The following MAP6 variants were observed in gnomAD, a reference collection of about 807,000 sequenced individuals.
MAP6 encodes microtubule-associated protein 6.
In MAP6, 26 loss-of-function variants were observed where a neutral mutation model predicts 42.4. That is an observed-to-expected ratio of 0.61 (90% CI 0.45 to 0.85). MAP6 has a LOEUF of 0.85. Among genes scored for constraint, MAP6 ranks in the 40% least tolerant of loss-of-function variants. The pLI, the probability that MAP6 is intolerant of heterozygous loss-of-function variation, is 0.00. For synonymous variants in MAP6, 418 were observed against 443.8 expected (o/e 0.94, Z 0.73); for missense variants, 966 against 1,099.0 (o/e 0.88, Z 1.71).
rs200302655 is a variant in MAP6 at position 75,606,023 on chromosome 11, C to T, written c.1120-19G>A. On this transcript the variant is annotated intron_variant, in intron 2 of 3. Coordinates refer to ENST00000304771, the MANE Select transcript of MAP6 (RefSeq NM_033063.2). ...TTTCCACCTGTACGGAGAGACAGAC[C>T]GCAAATACAGAAACACAAAAAGGTG... is the stretch of plus-strand genomic sequence containing the variant. 8 of 1,609,706 alleles carry T rather than the reference C, an allele frequency of 5.0e-6. No homozygotes were observed. The highest frequency in any genetic ancestry group is 1.7e-5 in the Admixed American group (1 of 59,736).
intron 2 of MAP6, chr11:75,607,721 G>A (rs1942806016): frequency 1.0e-6 from 1 of 976,820 alleles, no homozygotes; most frequent in African/African-American, 1.8e-5. Context: ...GGTGGGAGGG[G>A]AGCCGGGCAT....
Position 75,659,136 on chromosome 11 carries a change from C to G in MAP6, c.905+8329G>C, listed in dbSNP as rs571147157. The stretch of plus-strand genomic sequence containing the variant: ...ATATTAATATGACATGCAGGAAGTG[C>G]TGAGTGTAGAGAAAGACAAGCGTAG... On this transcript the variant is annotated intron_variant, in intron 1 of 3. Transcript: ENST00000304771. 9.8e-5 allele frequency among the ~76,000 whole-genome samples: 15 copies of G among 152,306 alleles called. No homozygotes were observed. In the East Asian group the frequency reaches 2.5e-3, roughly 25 times the overall value.
intron 3 of MAP6, chr11:75,603,660 T>C (rs766663491): frequency 3.0e-6 from 3 of 985,234 alleles, no homozygotes; most frequent in Non-Finnish European, 3.6e-6. Flanking sequence ...CAACACCAAC[T>C]TGACTTGGTC....
chr11:75,654,273 T>C (rs1348613203), intron 1 of MAP6, among the ~76,000 whole-genome samples: 1 of 152,178 alleles, frequency 6.6e-6, no homozygotes, highest in Admixed American at 6.5e-5. Flanking sequence ...ATTACAAGAA[T>C]GTATTGTACT....
At chr11:75,652,040 T>C (rs1943654333) in intron 1 of MAP6, among the ~76,000 whole-genome samples, 1 of 152,214 alleles carries the variant, frequency 6.6e-6, no homozygotes, top group African/African-American at 2.4e-5. Flanking sequence ...TCAGCAAATA[T>C]TATTACCCAA....
chr11:75,618,727 G>A (rs370267149), intron 1 of MAP6, among the ~76,000 whole-genome samples: 83 of 152,282 alleles, frequency 5.5e-4, no homozygotes, highest in African/African-American at 1.5e-3. Flanking sequence ...AGTCGAGACC[G>A]GCAGACCTCC....
At chr11:75,615,936 A>G (rs1036414166) in intron 1 of MAP6, among the ~76,000 whole-genome samples, 20 of 117,040 alleles carry the variant, frequency 1.7e-4, no homozygotes, top group Non-Finnish European at 5.0e-5. Flanking sequence ...GGAGGGAGGG[A>G]GCCAACAGGA....
Position 75,587,547 on chromosome 11 carries a change from C to A in MAP6, c.1954G>T (p.Ala652Ser). The change falls in exon 4 of 4, where the codon GCC becomes TCC. Residue 652 changes from alanine to serine, a missense_variant. Coordinates refer to ENST00000304771, the MANE Select transcript of MAP6 (RefSeq NM_033063.2). ...MVPEHPKDESAMATAPIKNQG... is the reference protein window; with the variant it reads ...MVPEHPKDESSMATAPIKNQG... ...TTCTTTATGGGTGCTGTGGCCATGG[C>A]ACTTTCATCCTTCGGATGCTCTGGG... is the stretch of plus-strand genomic sequence containing the variant. The A allele has an allele frequency of 6.2e-7, 1 of 1,614,138 alleles. No individual in the cohort carries two copies. Among genetic ancestry groups the A allele is most frequent in the Non-Finnish European group, 8.5e-7 (1 of 1,180,026 alleles).
chr11:75,604,288 G>A lies in MAP6; in HGVS notation c.1316+1520C>T. 5 of 985,864 alleles carry A rather than the reference G, an allele frequency of 5.1e-6. No individual in the cohort carries two copies. In the South Asian group the frequency reaches 1.9e-4, roughly 37 times the overall value. 61.1% of individuals were successfully genotyped at this position (985,864 alleles called of 1,614,324 possible). On this transcript the variant is annotated intron_variant, in intron 3 of 3. Transcript: ENST00000304771. ...GGTGACAACCAAAATGATGTAAGCA[G>A]AGACTTTGCTGCCTGAATGGTCGGA...
At chr11:75,620,242 G>A (rs1943083947) in intron 1 of MAP6, among the ~76,000 whole-genome samples, 1 of 152,180 alleles carries the variant, frequency 6.6e-6, no homozygotes, top group Non-Finnish European at 1.5e-5. Context: ...GGCCGAGGTA[G>A]GTGGATCGCT....
In MAP6 at chr11:75,590,570, C is replaced by T. The variant is rs572132172; in HGVS notation, c.1317-2386G>A. Among the ~76,000 whole-genome samples, 12 of 152,316 alleles carry T rather than the reference C, an allele frequency of 7.9e-5. No homozygotes were observed. The East Asian group carries it at 1.3e-3, about 17-fold the overall frequency. On this transcript the variant is annotated intron_variant, in intron 3 of 3. Coordinates refer to ENST00000304771, the MANE Select transcript of MAP6 (RefSeq NM_033063.2). ...GCCTCAACTTTGCATGGATACATAA[C>T]CCCATATTGCTTAGGTTAGAAAACT...
Position 75,587,866 on chromosome 11 carries a change from T to C in MAP6, c.1635A>G (p.Pro545=), listed in dbSNP as rs1406209432. 6.2e-7 allele frequency: 1 copy of C among 1,614,056 alleles called. No individual in the cohort carries two copies. The highest frequency in any genetic ancestry group is 8.5e-7 in the Non-Finnish European group (1 of 1,180,028). Residue 545 remains proline, a synonymous_variant, in exon 4 of 4, where the codon CCA becomes CCG. Coordinates refer to ENST00000304771, the MANE Select transcript of MAP6 (RefSeq NM_033063.2). ...VPPKNQSPMV[P]AKVKDQGSVV... ...CAGAGCCTTGATCCTTAACTTTTGC[T>C]GGAACCATAGGACTTTGATTCTTTG...
At position 75,608,146 on chromosome 11, in the gene MAP6, C is replaced by T. The variant is rs1942815118; in HGVS notation, c.1082G>A (p.Arg361His). Residue 361 changes from arginine to histidine, a missense_variant, in exon 2 of 4, where the codon CGC (arginine) becomes CAC (histidine). Physicochemically the swap from Arg to His is conservative, Grantham distance 29 (BLOSUM62 0). This residue lies in a region of MAP6 where 943 missense variants were observed against 1,049.9 expected (regional missense o/e 0.90). Coordinates refer to ENST00000304771, the MANE Select transcript of MAP6 (RefSeq NM_033063.2). Reference protein sequence around the residue: ...DNKVIDRRRIRSLYSEPFKEP... With the variant: ...DNKVIDRRRIHSLYSEPFKEP... ...CTTGAAGGGTTCGCTGTAGAGGCTG[C>T]GTATTCTTCTGCGATCAATGACCTT... 3.7e-6 allele frequency: 6 copies of T among 1,614,118 alleles called. No individual in the cohort carries two copies. In the South Asian group the frequency reaches 4.4e-5, roughly 12 times the overall value.
chr11:75,658,400 C>A (rs556569415), intron 1 of MAP6, among the ~76,000 whole-genome samples: 1 of 100,388 alleles, frequency 1.0e-5, no homozygotes, highest in Non-Finnish European at 2.1e-5. Context: ...TTCTCCACCC[C>A]CCCCGCCCCA....
Position 75,640,092 on chromosome 11 carries a change from A to G in MAP6, c.905+27373T>C, listed in dbSNP as rs2135654619. On this transcript the variant is annotated intron_variant, in intron 1 of 3. Transcript: ENST00000304771. ...CTCCACTCCCAGACAGGCGGCTCCT[A>G]GAGCAGATGGTTGTCAGCACTGGGG... Among the ~76,000 whole-genome samples, 3 of 152,230 alleles carry G rather than the reference A, an allele frequency of 2.0e-5. 1 individual carries two copies. In the Middle Eastern group the frequency reaches 0.01, roughly 518 times the overall value.
chr11:75,613,703 T>A lies in MAP6; in HGVS notation c.906-5381A>T, dbSNP rs77408006. On this transcript the variant is annotated intron_variant, in intron 1 of 3. Transcript: ENST00000304771. The stretch of plus-strand genomic sequence containing the variant: ...AGAAAGAGAGTCTGGGGCTATGATA[T>A]CCCCCGGTGGGTGGGTGAACTGCAG... Among the ~76,000 whole-genome samples the A allele has an allele frequency of 7.3e-3, 1,106 of 152,282 alleles. 7 individuals carry two copies. The highest frequency in any genetic ancestry group is 0.024 in the African/African-American group (1,004 of 41,562).
intron 1 of MAP6, among the ~76,000 whole-genome samples, chr11:75,634,394 A>G (rs1565270840): frequency 6.6e-6 from 1 of 152,174 alleles, no homozygotes; most frequent in African/African-American, 2.4e-5. Context: ...CTCCTGCCTC[A>G]GCCTTCTGAG....
intron 1 of MAP6, among the ~76,000 whole-genome samples, chr11:75,630,241 T>G (rs771124778): frequency 2.6e-5 from 4 of 152,168 alleles, no homozygotes; most frequent in Non-Finnish European, 2.9e-5. Flanking sequence ...AACTCTTGTG[T>G]CTTTGTCTGG....
At chr11:75,636,563 T>C (rs1169659268) in intron 1 of MAP6, among the ~76,000 whole-genome samples, 2 of 152,180 alleles carry the variant, frequency 1.3e-5, no homozygotes, top group African/African-American at 2.4e-5. Context: ...TTTTTAGAGA[T>C]AGTAAACAAC....
Sources: gnomAD v4.1 joint callset for allele counts (sites outside exome capture counted in the v4.1 genomes callset) on GRCh38, gnomAD v4.1.1 for gene constraint, gnomAD v4.1.1 regional missense constraint, MANE v1.5 for transcripts, NCBI Gene and HGNC (gene_info 2026-07-23, HGNC 2026-07-21) for gene names.